Variants in MEF2C observed in about 807,000 individuals in gnomAD.
The protein encoded by MEF2C is myocyte enhancer factor 2C.
MEF2C carries 6 observed loss-of-function variants against 50.5 expected under a neutral mutation model. That is an observed-to-expected ratio of 0.12 (90% CI 0.07 to 0.23). The LOEUF is 0.23. Ranked by LOEUF, MEF2C falls within the 10% of genes least tolerant of loss-of-function variation. MEF2C has a pLI of 1.00. For missense variants in MEF2C, 276 were observed against 605.0 expected, an observed-to-expected ratio of 0.46 and a Z score of 5.70; for synonymous variants, 183 against 228.0, an observed-to-expected ratio of 0.80 and a Z score of 1.78.
intron 3 of MEF2C, among the ~76,000 whole-genome samples, chr5:88,796,706 T>C (rs559112010): frequency 6.6e-6 from 1 of 152,192 alleles, no homozygotes; most frequent in Non-Finnish European, 1.5e-5. Context: ...CTTTTAATTG[T>C]GATGTTAGGG....
At chr5:88,890,175 G>A (rs1361612072) in intron 1 of MEF2C, among the ~76,000 whole-genome samples, 2 of 152,236 alleles carry the variant, frequency 1.3e-5, no homozygotes, top group African/African-American at 2.4e-5. Context: ...TAACGCGTGT[G>A]CGAGTTTTGG....
In MEF2C at chr5:88,734,587, T is replaced by G. The variant is rs867829513; in HGVS notation, c.638-2686A>C. On this transcript the variant is annotated intron_variant, in intron 6 of 10. Transcript: ENST00000504921. ...TTTGTTTTTTTTTTTTTTTTTTTTTTTTTTTTTTTTTAGCATTTTCTACAG... is the reference window on the plus strand; with the variant it reads ...TTTGTTTTTTTTTTTTTTTTTTTTTGTTTTTTTTTTTAGCATTTTCTACAG... 1.5e-3 allele frequency: 1,445 copies of G among 970,236 alleles called. 13 individuals are homozygous for G. The African/African-American group carries it at 0.021, about 14-fold the overall frequency. 60.1% of individuals were successfully genotyped at this position (970,236 alleles called of 1,614,324 possible).
At chr5:88,840,720 C>A (rs1175142341) in intron 1 of MEF2C, among the ~76,000 whole-genome samples, 3 of 152,084 alleles carry the variant, frequency 2.0e-5, no homozygotes, top group African/African-American at 7.2e-5. Context: ...AGGGCCAGAC[C>A]TCAAGCACTC....
intron 6 of MEF2C, chr5:88,740,685 A>G: frequency 1.0e-6 from 1 of 985,360 alleles, no homozygotes; most frequent in Non-Finnish European, 1.2e-6. Flanking sequence ...TACAAAAAAA[A>G]AAAAAACCCA....
chr5:88,740,964 A>G lies in MEF2C; in HGVS notation c.637+8106T>C, dbSNP rs570332111. The G allele has an allele frequency of 2.2e-4, 212 of 985,440 alleles. No individual in the cohort carries two copies. The African/African-American group carries it at 3.1e-3, about 15-fold the overall frequency. 61.0% of individuals were successfully genotyped at this position (985,440 alleles called of 1,614,324 possible). A position where few individuals can be genotyped will look rare whatever the true frequency, so the allele number is the denominator to read the frequency against. On this transcript the variant is annotated intron_variant, in intron 6 of 10. Transcript: ENST00000504921. ...GACAGTATAAATTAGAGAGAGCATGACAGAAGAGAAAGAATAATTACTTGT... is the reference window on the plus strand; with the variant it reads ...GACAGTATAAATTAGAGAGAGCATGGCAGAAGAGAAAGAATAATTACTTGT...
intron 1 of MEF2C, chr5:88,880,919 C>T (rs906623537): frequency 6.6e-6 from 1 of 152,024 alleles, no homozygotes; most frequent in African/African-American, 2.4e-5. Flanking sequence ...TTTAATAAAA[C>T]TTACACTTTA....
At chr5:88,761,083 G>T (rs1777645790) in intron 4 of MEF2C, 102 bp downstream of exon 4, 1 of 1,613,830 alleles carries the variant, frequency 6.2e-7, no homozygotes, top group African/African-American at 1.3e-5. Context: ...GAGGAGTCGG[G>T]ATCGGGGCTT....
chr5:88,824,246 A>C, intron 1 of MEF2C: 1 of 956,802 alleles, frequency 1.0e-6, no homozygotes, highest in Non-Finnish European at 1.2e-6. Flanking sequence ...TAATGAAATT[A>C]GGTGACAATT....
intron 3 of MEF2C, among the ~76,000 whole-genome samples, chr5:88,784,757 G>T (rs1364279688): frequency 6.6e-6 from 1 of 152,074 alleles, no homozygotes; most frequent in Non-Finnish European, 1.5e-5. Flanking sequence ...CATGTAAAAG[G>T]CTTTGTCCCT....
intron 1 of MEF2C, among the ~76,000 whole-genome samples, chr5:88,865,955 ACTCT>A (rs1827199368): frequency 6.8e-6 from 1 of 147,704 alleles, no homozygotes; most frequent in South Asian, 2.1e-4. Context: ...GAGTGCAGTG[ACTCT>A]ATCTCGGCTC....
chr5:88,891,393 C>CATTTTTT (rs1834545764), intron 1 of MEF2C, among the ~76,000 whole-genome samples: 1 of 104,850 alleles, frequency 9.5e-6, no homozygotes, highest in Non-Finnish European at 1.8e-5. Context: ...ACCAACCAAC[C>CATTTTTT]TTTTTTTTTT....
chr5:88,788,834 A>G (rs1792319989), intron 3 of MEF2C, among the ~76,000 whole-genome samples: 1 of 152,186 alleles, frequency 6.6e-6, no homozygotes, highest in Admixed American at 6.5e-5. Flanking sequence ...TAGGTGCTAA[A>G]TATACCATTT....
chr5:88,842,688 T>C (rs1817809865), intron 1 of MEF2C, among the ~76,000 whole-genome samples: 2 of 152,066 alleles, frequency 1.3e-5, no homozygotes, highest in Admixed American at 1.3e-4. Flanking sequence ...GTTGAAAAAA[T>C]TCGCAGTAGG....
chr5:88,898,510 C>A (rs910191528), intron 1 of MEF2C, among the ~76,000 whole-genome samples: 1 of 152,096 alleles, frequency 6.6e-6, no homozygotes, highest in African/African-American at 2.4e-5. Flanking sequence ...ATAGGACTGG[C>A]ACTGGTCATA....
intron 10 of MEF2C, among the ~76,000 whole-genome samples, chr5:88,726,669 A>G (rs1051064190): frequency 6.6e-6 from 1 of 152,270 alleles, no homozygotes; most frequent in Admixed American, 6.5e-5. Context: ...TGTTGAAAGG[A>G]ACCGGGAGCT....
At chr5:88,770,467 A>T (rs1781895520) in intron 3 of MEF2C, among the ~76,000 whole-genome samples, 1 of 152,184 alleles carries the variant, frequency 6.6e-6, no homozygotes, top group Non-Finnish European at 1.5e-5. Flanking sequence ...CTTTGCATTC[A>T]CCAGTCACTT....
At chr5:88,810,526 GT>G (rs1263008208) in intron 2 of MEF2C, among the ~76,000 whole-genome samples, 1 of 110,720 alleles carries the variant, frequency 9.0e-6, no homozygotes, top group Non-Finnish European at 1.7e-5. Context: ...GGATGACTGA[GT>G]TTGTTCAGCA....
intron 1 of MEF2C, among the ~76,000 whole-genome samples, chr5:88,850,545 G>A (rs1820946458): frequency 6.6e-6 from 1 of 152,068 alleles, no homozygotes; most frequent in African/African-American, 2.4e-5. Context: ...AAGTAGATGA[G>A]GGTATGGAGG....
At chr5:88,810,933 A>C (rs1802510086) in intron 2 of MEF2C, among the ~76,000 whole-genome samples, 1 of 152,154 alleles carries the variant, frequency 6.6e-6, no homozygotes, top group African/African-American at 2.4e-5. Context: ...AATCAAATGA[A>C]GGTAATTTTA....
Sources: gnomAD v4.1 joint callset for allele counts (sites outside exome capture counted in the v4.1 genomes callset) on GRCh38, gnomAD v4.1.1 for gene constraint, MANE v1.5 for transcripts, NCBI Gene and HGNC (gene_info 2026-07-23, HGNC 2026-07-21) for gene names.